The following GPSM2 variants were observed in gnomAD, a reference collection of about 807,000 sequenced individuals.
GPSM2 encodes G protein-signaling modulator 2.
In GPSM2, 58 loss-of-function variants were observed where a neutral mutation model predicts 78.4. That is an observed-to-expected ratio of 0.74 (90% confidence interval 0.60 to 0.92). The LOEUF (loss-of-function observed/expected upper bound fraction) is 0.92, where lower values mean the gene tolerates loss of function less well. Among genes scored for constraint, GPSM2 ranks in the 40% least tolerant of loss-of-function variants. The pLI, the probability that GPSM2 is intolerant of heterozygous loss-of-function variation, is 0.00. For missense variants in GPSM2, 700 were observed against 815.5 expected (o/e 0.86, Z 1.73); for synonymous variants, 224 against 280.2 (o/e 0.80, Z 2.00).
intron 10 of GPSM2, among the ~76,000 whole-genome samples, chr1:108,906,059 A>G (rs1649193178): frequency 6.6e-6 from 1 of 151,982 alleles, no homozygotes; most frequent in Non-Finnish European, 1.5e-5. Flanking sequence ...TTTGTTTAAA[A>G]TTTTCCATTG....
intron 8 of GPSM2, among the ~76,000 whole-genome samples, 163 bp from the exon 9 acceptor site, chr1:108,902,963 G>T (rs1447011257): frequency 6.6e-6 from 1 of 151,870 alleles, no homozygotes; most frequent in Non-Finnish European, 1.5e-5. Context: ...TTTAATCTGG[G>T]TATTCTAGTA....
In GPSM2 at chr1:108,927,250, T is replaced by C. The variant is rs1485016631; in HGVS notation, c.1816-2451T>C. Among the ~76,000 whole-genome samples, 4 of 152,226 alleles carry C rather than the reference T, an allele frequency of 2.6e-5. No individual in the cohort carries two copies. The East Asian group carries it at 7.7e-4, about 29-fold the overall frequency. ...TGACCTACAAATTCAGTGCAATCCC[T>C]GTAAAAATCCAAATGACTTTTTCCT... is the stretch of plus-strand genomic sequence containing the variant. On this transcript the variant is annotated intron_variant, in intron 14 of 14. Coordinates refer to ENST00000264126, the MANE Select transcript of GPSM2 (RefSeq NM_013296.5).
rs1652404189 is a variant in GPSM2 at position 108,933,795 on chromosome 1, TCTCTTCTTC to T, written c.*3859_*3867del. The T allele has an allele frequency of 4.6e-5, 7 of 152,036 alleles. No homozygotes were observed. The allele number at this position is 152,036 out of a possible 1,614,324, so 9.4% of individuals were successfully genotyped here. A position where few individuals can be genotyped will look rare whatever the true frequency, so the allele number is the denominator to read the frequency against. On this transcript the variant is annotated 3_prime_UTR_variant, in exon 15 of 15. Coordinates refer to ENST00000264126, the MANE Select transcript of GPSM2 (RefSeq NM_013296.5). The stretch of plus-strand genomic sequence containing the variant: ...TCTGCAGTTAAGGAAGACACCCAAC[TCTCTTCTTC>T]CTCATCATGGTATTCTCTATGTATA...
intron 1 of GPSM2, among the ~76,000 whole-genome samples, chr1:108,878,215 A>G (rs1391638542): frequency 1.3e-5 from 2 of 152,210 alleles, no homozygotes; most frequent in African/African-American, 4.8e-5. Context: ...TGAATAAACA[A>G]CATTAAAAAG....
At chr1:108,925,403 A>C (rs1435854432) in intron 14 of GPSM2, among the ~76,000 whole-genome samples, 1 of 152,196 alleles carries the variant, frequency 6.6e-6, no homozygotes, top group Admixed American at 6.5e-5. Context: ...CCCTGGGAAG[A>C]AAGTACCTAA....
intron 13 of GPSM2, among the ~76,000 whole-genome samples, chr1:108,923,236 G>C (rs1650868178): frequency 6.6e-6 from 1 of 151,970 alleles, no homozygotes; most frequent in African/African-American, 2.4e-5. Flanking sequence ...GTCTTGCTGT[G>C]TTGTCCAGGC....
At chr1:108,888,954 A>G (rs1647766064) in intron 2 of GPSM2, among the ~76,000 whole-genome samples, 2 of 152,156 alleles carry the variant, frequency 1.3e-5, no homozygotes, top group Admixed American at 1.3e-4. Context: ...CTTTACATAA[A>G]TTTCCAGAAA....
In GPSM2 at chr1:108,931,129, T is replaced by C; in HGVS notation, c.*1189T>C. On this transcript the variant is annotated 3_prime_UTR_variant, in exon 15 of 15. Coordinates refer to ENST00000264126, the MANE Select transcript of GPSM2 (RefSeq NM_013296.5). ...AATGGTCTCTTCTGTTCCATAATAC[T>C]GCTGTAAAACAAACTTTTCTAAGTT... 1 of 507,204 alleles carries C rather than the reference T, an allele frequency of 2.0e-6. No individual in the cohort carries two copies. The highest frequency in any genetic ancestry group is 3.4e-6 in the Non-Finnish European group (1 of 294,588). The allele number at this position is 507,204 out of a possible 1,614,324, so 31.4% of individuals were successfully genotyped here.
At chr1:108,902,744 C>T (rs1648915105) in intron 8 of GPSM2, among the ~76,000 whole-genome samples, 1 of 152,204 alleles carries the variant, frequency 6.6e-6, no homozygotes, top group African/African-American at 2.4e-5. Flanking sequence ...AGTATGCTAC[C>T]TCAAGAGGTA....
At position 108,888,998 on chromosome 1, in the gene GPSM2, C is replaced by T. The variant is rs1396323358; in HGVS notation, c.56+3420C>T. ...TTATATACTTTTTTCTTTTCTCATT[C>T]TGTATCCAGCATGAAGTATTGCTGG... On this transcript the variant is annotated intron_variant, in intron 2 of 14. Transcript: ENST00000264126. Among the ~76,000 whole-genome samples, 16 of 152,290 alleles carry T rather than the reference C, an allele frequency of 1.1e-4. 1 individual carries two copies. Among genetic ancestry groups the T allele is most frequent in the African/African-American group, 3.6e-4 (15 of 41,566 alleles).
rs1649764233 is a variant in GPSM2 at position 108,911,797 on chromosome 1, CAAT to C, written c.1193-2540_1193-2538del. ...GATAAACCATACTCAAGTGGGAAGA[CAAT>C]TTTTTTTTTTTTTTTTTTTTTTTAA... On this transcript the variant is annotated intron_variant, in intron 10 of 14. Transcript: ENST00000264126. Among the ~76,000 whole-genome samples the C allele has an allele frequency of 7.6e-5, 7 of 91,600 alleles. No individual in the cohort carries two copies. In the Admixed American group the frequency reaches 1.0e-3, roughly 13 times the overall value. 60.1% of individuals were successfully genotyped at this position (91,600 alleles called of 152,430 possible). A position where few individuals can be genotyped will look rare whatever the true frequency, so the allele number is the denominator to read the frequency against.
rs1186652692 is a variant in GPSM2 at position 108,925,308 on chromosome 1, G to C, written c.1815+1094G>C. On this transcript the variant is annotated intron_variant, in intron 14 of 14. Coordinates refer to ENST00000264126, the MANE Select transcript of GPSM2 (RefSeq NM_013296.5). ...GACTGGTATAGACAATGAAGTAGAGGTGTTAAATAGGCAATTTGATGTAAA... is the reference window on the plus strand; with the variant it reads ...GACTGGTATAGACAATGAAGTAGAGCTGTTAAATAGGCAATTTGATGTAAA... Among the ~76,000 whole-genome samples, 6 of 152,206 alleles carry C rather than the reference G, an allele frequency of 3.9e-5. No homozygotes were observed. In the East Asian group the frequency reaches 1.2e-3, roughly 29 times the overall value.
In GPSM2 at chr1:108,901,965, A is replaced by G; in HGVS notation, c.953+20A>G. ...TGATAGGTATGTTTTACGTCTTTTT[A>G]CCATAACTAAGGTAAAATATAGATG... On this transcript the variant is annotated intron_variant, in intron 8 of 14. Transcript: ENST00000264126. 1 of 1,560,448 alleles carries G rather than the reference A, an allele frequency of 6.4e-7. No homozygotes were observed. Among genetic ancestry groups the G allele is most frequent in the Non-Finnish European group, 8.8e-7 (1 of 1,131,114 alleles).
In GPSM2 at chr1:108,897,067, A is replaced by G. The variant is rs758589089; in HGVS notation, c.260A>G (p.His87Arg). Reference protein sequence around the residue: ...DYAKALEYHHHDLTLARTIGD... With the variant: ...DYAKALEYHHRDLTLARTIGD... The stretch of plus-strand genomic sequence containing the variant: ...GCCAAAGCATTAGAATATCACCATC[A>G]TGATTTAACCCTTGCAAGGTAATTA... Residue 87 changes from histidine to arginine, a missense_variant, in exon 3 of 15, where the codon CAT (histidine) becomes CGT (arginine). By Grantham distance (29) the His-to-Arg change is conservative (BLOSUM62 0). Transcript: ENST00000264126. The G allele has an allele frequency of 1.2e-6, 2 of 1,604,982 alleles. No individual in the cohort carries two copies. Among genetic ancestry groups the G allele is most frequent in the Non-Finnish European group, 1.7e-6 (2 of 1,172,352 alleles).
chr1:108,879,661 C>T (rs1312613184), intron 1 of GPSM2, among the ~76,000 whole-genome samples: 1 of 152,120 alleles, frequency 6.6e-6, no homozygotes, highest in African/African-American at 2.4e-5. Context: ...GGTGAAACCC[C>T]GTCTGTACTA....
Position 108,879,693 on chromosome 1 carries a change from T to A in GPSM2, c.-249+2465T>A, listed in dbSNP as rs1665803143. ...ACTAAAAATACAATAGTTAGCCCAGTGTGGTGGCACACGCCTGTAATCCAA... is the reference window on the plus strand; with the variant it reads ...ACTAAAAATACAATAGTTAGCCCAGAGTGGTGGCACACGCCTGTAATCCAA... On this transcript the variant is annotated intron_variant, in intron 1 of 14. Coordinates refer to ENST00000264126, the MANE Select transcript of GPSM2 (RefSeq NM_013296.5). 3.3e-5 allele frequency among the ~76,000 whole-genome samples: 5 copies of A among 152,044 alleles called. 1 individual carries two copies. The South Asian group carries it at 1.0e-3, about 32-fold the overall frequency.
intron 14 of GPSM2, among the ~76,000 whole-genome samples, chr1:108,927,453 A>G (rs1282438171): frequency 6.6e-6 from 1 of 152,214 alleles, no homozygotes; most frequent in Non-Finnish European, 1.5e-5. Flanking sequence ...ATATAGACCA[A>G]TGGAATAGAA....
At chr1:108,910,565 A>T (rs1487817181) in intron 10 of GPSM2, among the ~76,000 whole-genome samples, 1 of 152,192 alleles carries the variant, frequency 6.6e-6, no homozygotes, top group African/African-American at 2.4e-5. Context: ...CCAGTAATGT[A>T]TTTTAAAACA....
chr1:108,887,381 C>G (rs1374127892), intron 2 of GPSM2, among the ~76,000 whole-genome samples: 1 of 152,128 alleles, frequency 6.6e-6, no homozygotes, highest in Non-Finnish European at 1.5e-5. Flanking sequence ...CTCTCCAGGA[C>G]GTAACATACA....
Sources: gnomAD v4.1 joint callset for allele counts (sites outside exome capture counted in the v4.1 genomes callset) on GRCh38, gnomAD v4.1.1 for gene constraint, MANE v1.5 for transcripts, NCBI Gene and HGNC (gene_info 2026-07-23, HGNC 2026-07-21) for gene names.